DPP6: variants seen among roughly 807,000 people sequenced by gnomAD.
The protein encoded by DPP6 is dipeptidyl peptidase like 6.
DPP6 carries 69 observed loss-of-function variants against 122.6 expected under a neutral mutation model. The ratio of observed to expected loss-of-function variants is 0.56; its 90% CI spans 0.46 to 0.69. The LOEUF (loss-of-function observed/expected upper bound fraction) is 0.69. DPP6 is among the 30% of genes least tolerant of loss of function. The probability of loss-of-function intolerance (pLI) is 0.00; values close to 1 mark genes in which losing one functional copy is unlikely to be tolerated. For missense variants in DPP6, 928 were observed against 1,116.9 expected, an observed-to-expected ratio of 0.83 and a Z score of 2.41; for synonymous variants, 418 against 433.1, an observed-to-expected ratio of 0.97 and a Z score of 0.43.
intron 1 of DPP6, among the ~76,000 whole-genome samples, chr7:154,281,415 G>A (rs1804505168): frequency 6.6e-6 from 1 of 152,142 alleles, no homozygotes; most frequent in African/African-American, 2.4e-5. Context: ...CTGTGACTGT[G>A]TCTTCCTTGA....
At chr7:154,287,025 A>ACTC (rs1804901434) in intron 1 of DPP6, among the ~76,000 whole-genome samples, 1 of 151,094 alleles carries the variant, frequency 6.6e-6, no homozygotes, top group Non-Finnish European at 1.5e-5. Flanking sequence ...CTGGTCCTAA[A>ACTC]CTCCTGACCT....
rs568399829 is a variant in DPP6 at position 154,470,515 on chromosome 7, A to G, written c.359-4424A>G. On this transcript the variant is annotated intron_variant, in intron 2 of 25. Transcript: ENST00000377770. ...CCAGCAGCTATGCTCGGGTGATGGG[A>G]TTTATTTCTAGTTTTCTGGTATTTA... Among the ~76,000 whole-genome samples, 3 of 152,290 alleles carry G rather than the reference A, an allele frequency of 2.0e-5. No individual in the cohort carries two copies. The South Asian group carries it at 6.2e-4, about 32-fold the overall frequency.
chr7:154,479,023 A>G (rs1407076686), intron 3 of DPP6, among the ~76,000 whole-genome samples: 3 of 152,216 alleles, frequency 2.0e-5, no homozygotes, highest in African/African-American at 7.2e-5. Context: ...TGGGTTTAAT[A>G]TTGGAGTTAA....
At chr7:154,853,706 C>A in intron 16 of DPP6, 74 bp from the exon 17 acceptor site, 3 of 1,535,912 alleles carry the variant, frequency 2.0e-6, no homozygotes, top group South Asian at 1.2e-5. Context: ...ATAAGAAAAG[C>A]CTGTTTTCTT....
At chr7:153,930,763 CT>C (rs1801135187) in intron 1 of DPP6, among the ~76,000 whole-genome samples, 1 of 152,150 alleles carries the variant, frequency 6.6e-6, no homozygotes, top group Admixed American at 6.5e-5. Flanking sequence ...CAGAGTTTGG[CT>C]TTTGGAATTG....
At chr7:153,954,774 T>C (rs1802380837) in intron 1 of DPP6, among the ~76,000 whole-genome samples, 1 of 152,218 alleles carries the variant, frequency 6.6e-6, no homozygotes, top group African/African-American at 2.4e-5. Context: ...TTCCTGTGAC[T>C]CCAACCTGTT....
At chr7:154,062,823 C>A (rs185622202) in intron 1 of DPP6, among the ~76,000 whole-genome samples, 1,284 of 123,906 alleles carry the variant, frequency 0.01, 113 homozygotes, top group African/African-American at 0.025. Context: ...GGGGAGGCAC[C>A]CCCCGCGAGG....
At position 154,833,481 on chromosome 7, in the gene DPP6, T is replaced by C. The variant is rs950572891; in HGVS notation, c.1667-20299T>C. Among the ~76,000 whole-genome samples, 2 of 152,208 alleles carry C rather than the reference T, an allele frequency of 1.3e-5. No homozygotes were observed. Among genetic ancestry groups the C allele is most frequent in the African/African-American group, 4.8e-5 (2 of 41,454 alleles). On this transcript the variant is annotated intron_variant, in intron 16 of 25. Coordinates refer to ENST00000377770, the MANE Select transcript of DPP6 (RefSeq NM_130797.4). The surrounding 1 kb of genome is among the most constrained non-coding windows in gnomAD (Gnocchi z 4.3). ...AAATTTGGGATAGTAGTACCAGCCT[T>C]GTACGGCTGACGAAGTGTAAATTAT...
chr7:154,796,854 G>A (rs1798077626), intron 12 of DPP6, among the ~76,000 whole-genome samples: 1 of 152,130 alleles, frequency 6.6e-6, no homozygotes, highest in African/African-American at 2.4e-5. Flanking sequence ...TCAACAGACG[G>A]GCTGCTCCGA....
At position 154,637,824 on chromosome 7, in the gene DPP6, T is replaced by C. The variant is rs377383685; in HGVS notation, c.631T>C (p.Tyr211His). Reference protein sequence around the residue: ...ALFSYNVEPIYQHSYTGYYVL... With the variant: ...ALFSYNVEPIHQHSYTGYYVL... Reference sequence around the variant, plus strand: ...TTTTCCTTTTTGTCTGTTGCAGATATATCAACACTCGTATACTGGATATTA... The same window carrying C: ...TTTTCCTTTTTGTCTGTTGCAGATACATCAACACTCGTATACTGGATATTA... Residue 211 changes from tyrosine to histidine, a missense_variant, in exon 6 of 26, where the codon TAT becomes CAT. Transcript: ENST00000377770. The C allele has an allele frequency of 1.5e-5, 24 of 1,579,470 alleles. No individual in the cohort carries two copies. The highest frequency in any genetic ancestry group is 2.1e-5 in the Non-Finnish European group (24 of 1,161,290).
chr7:154,584,255 G>T (rs539422609), intron 5 of DPP6, among the ~76,000 whole-genome samples: 1 of 152,162 alleles, frequency 6.6e-6, no homozygotes, highest in Non-Finnish European at 1.5e-5. Flanking sequence ...TGCAGGCGCT[G>T]TTCCCTCTGC....
the DPP6 span, among the ~76,000 whole-genome samples, chr7:153,774,979 A>G: frequency 1.3e-5 from 2 of 151,906 alleles, no homozygotes; most frequent in African/African-American, 4.8e-5. Context: ...GTCTTGGAAA[A>G]AAAAAAAGTA....
At chr7:154,322,503 T>C (rs1300730690) in intron 1 of DPP6, among the ~76,000 whole-genome samples, 1 of 152,216 alleles carries the variant, frequency 6.6e-6, no homozygotes, top group Non-Finnish European at 1.5e-5. Context: ...ATGGAGAGAC[T>C]CGTGCTTAAT....
intron 1 of DPP6, among the ~76,000 whole-genome samples, chr7:153,889,602 C>A (rs994709269): frequency 2.6e-5 from 4 of 152,204 alleles, no homozygotes; most frequent in Non-Finnish European, 5.9e-5. Context: ...TTGCCCTCCC[C>A]CTAACCCCTC....
intron 1 of DPP6, among the ~76,000 whole-genome samples, chr7:154,222,270 C>T (rs781415928): frequency 7.2e-5 from 11 of 152,228 alleles, no homozygotes; most frequent in Non-Finnish European, 1.5e-4. Flanking sequence ...TCTGTGCTTT[C>T]TCTAACTCCA....
intron 1 of DPP6, among the ~76,000 whole-genome samples, chr7:154,085,237 A>C (rs1019660417): frequency 2.0e-5 from 3 of 152,128 alleles, no homozygotes; most frequent in Non-Finnish European, 4.4e-5. Flanking sequence ...TTTATCTTTC[A>C]TTTTATCCAA....
At chr7:153,843,269 CAT>C in the DPP6 span, among the ~76,000 whole-genome samples, 13 of 105,510 alleles carry the variant, frequency 1.2e-4, no homozygotes, top group East Asian at 4.1e-3. Context: ...GACACACACG[CAT>C]GCGCGCGCGC....
intron 1 of DPP6, among the ~76,000 whole-genome samples, chr7:153,908,543 T>G (rs1799944392): frequency 6.6e-6 from 1 of 152,222 alleles, no homozygotes; most frequent in African/African-American, 2.4e-5. Context: ...CACAGTCTGA[T>G]AAGAGAGAGA....
chr7:154,508,369 G>T (rs1350360662), intron 3 of DPP6, among the ~76,000 whole-genome samples: 1 of 152,114 alleles, frequency 6.6e-6, no homozygotes, highest in Non-Finnish European at 1.5e-5. Flanking sequence ...AGGGACTGGG[G>T]TTCCCTCCAG....
Sources: gnomAD v4.1 joint callset for allele counts (sites outside exome capture counted in the v4.1 genomes callset) on GRCh38, gnomAD v4.1.1 for gene constraint, Gnocchi (gnomAD v3.1) non-coding constraint, MANE v1.5 for transcripts, NCBI Gene and HGNC (gene_info 2026-07-23, HGNC 2026-07-21) for gene names.